The following OSBPL6 variants were observed in gnomAD, a reference collection of about 807,000 sequenced individuals.
The protein encoded by OSBPL6 is oxysterol binding protein like 6.
In OSBPL6, 49 loss-of-function variants were observed where a neutral mutation model predicts 125.8. The observed-to-expected ratio is 0.39, with a 90% CI of 0.31 to 0.49. The LOEUF is 0.49. OSBPL6 is among the 20% of genes least tolerant of loss of function. The pLI, the probability that OSBPL6 is intolerant of heterozygous loss-of-function variation, is 0.88. For missense variants in OSBPL6, 986 were observed against 1,135.4 expected, an observed-to-expected ratio of 0.87 and a Z score of 1.89; for synonymous variants, 394 against 391.8, an observed-to-expected ratio of 1.01 and a Z score of -0.07.
intron 1 of OSBPL6, among the ~76,000 whole-genome samples, chr2:178,261,695 G>A (rs1384011115): frequency 2.0e-5 from 3 of 152,196 alleles, no homozygotes; most frequent in Admixed American, 1.3e-4. Context: ...ATGGCTGGAG[G>A]CCTTGATGCA....
In OSBPL6 at chr2:178,392,399, G is replaced by A; in HGVS notation, c.2447-13G>A. 1 of 1,613,446 alleles carries A rather than the reference G, an allele frequency of 6.2e-7. No homozygotes were observed. The highest frequency in any genetic ancestry group is 8.5e-7 in the Non-Finnish European group (1 of 1,179,526). On this transcript the variant is annotated splice_polypyrimidine_tract_variant and intron_variant, in intron 22 of 24. Coordinates refer to ENST00000190611, the MANE Select transcript of OSBPL6 (RefSeq NM_032523.4). ...CTTCTGCCTCTCACAGTGGTTCATT[G>A]GCCTCTTTCCAGGTTCCATGCCAAC...
intron 1 of OSBPL6, among the ~76,000 whole-genome samples, chr2:178,220,294 T>C (rs1268021146): frequency 6.6e-6 from 1 of 152,048 alleles, no homozygotes; most frequent in Non-Finnish European, 1.5e-5. Context: ...TCCTTCTTTT[T>C]TGGGGGGCTG....
chr2:178,271,624 GCTA>G lies in OSBPL6; in HGVS notation c.-350-13299_-350-13297del, dbSNP rs1383050041. ...CAAAAACTGTATAATTTATGGCAGT[GCTA>G]CTAACAGTGTTCACCTAATTTATTA... On this transcript the variant is annotated intron_variant, in intron 1 of 24. Coordinates refer to ENST00000190611, the MANE Select transcript of OSBPL6 (RefSeq NM_032523.4). Among the ~76,000 whole-genome samples the G allele has an allele frequency of 2.0e-5, 3 of 152,256 alleles. No individual in the cohort carries two copies. In the East Asian group the frequency reaches 5.8e-4, roughly 29 times the overall value.
chr2:178,301,515 A>G (rs334613), intron 2 of OSBPL6, among the ~76,000 whole-genome samples: 113,455 of 152,106 alleles, frequency 0.75, 42,942 homozygotes, highest in Non-Finnish European at 0.81. Flanking sequence ...TTAAAGTAGA[A>G]CCAAAAATGT....
intron 2 of OSBPL6, among the ~76,000 whole-genome samples, chr2:178,297,533 G>A (rs573637075): frequency 5.8e-4 from 89 of 152,288 alleles, no homozygotes; most frequent in African/African-American, 2.1e-3. Flanking sequence ...GAAGATTTAA[G>A]TCCTAATTAA....
At position 178,279,857 on chromosome 2, in the gene OSBPL6, A is replaced by G. The variant is rs139298235; in HGVS notation, c.-350-5070A>G. Among the ~76,000 whole-genome samples the G allele has an allele frequency of 9.4e-3, 1,426 of 152,282 alleles. 16 individuals are homozygous for G. Among genetic ancestry groups the G allele is most frequent in the Non-Finnish European group, 0.015 (1,049 of 68,016 alleles). On this transcript the variant is annotated intron_variant, in intron 1 of 24. Coordinates refer to ENST00000190611, the MANE Select transcript of OSBPL6 (RefSeq NM_032523.4). ...TATCACCTTTGGACTTCTGCCCTGCATGCAGTTTATGTGCAAGGTAAAACA... is the reference window on the plus strand; with the variant it reads ...TATCACCTTTGGACTTCTGCCCTGCGTGCAGTTTATGTGCAAGGTAAAACA...
At chr2:178,276,481 T>G (rs2092471929) in intron 1 of OSBPL6, among the ~76,000 whole-genome samples, 1 of 151,554 alleles carries the variant, frequency 6.6e-6, no homozygotes, top group Non-Finnish European at 1.5e-5. Context: ...CAAGTGATTC[T>G]CCTGCCTCAG....
chr2:178,346,589 G>A (rs1345451585), intron 11 of OSBPL6, among the ~76,000 whole-genome samples: 3 of 152,034 alleles, frequency 2.0e-5, no homozygotes, highest in South Asian at 2.1e-4. Flanking sequence ...TCTTTCCTGC[G>A]CAGGGTAGAA....
chr2:178,362,676 C>T (rs1435209418), intron 13 of OSBPL6, among the ~76,000 whole-genome samples: 2 of 152,146 alleles, frequency 1.3e-5, no homozygotes, highest in East Asian at 1.9e-4. Context: ...CAGTTTCCCT[C>T]GGTCCCTAAA....
intron 1 of OSBPL6, among the ~76,000 whole-genome samples, chr2:178,223,500 A>G (rs951771318): frequency 1.3e-5 from 2 of 152,178 alleles, no homozygotes; most frequent in Admixed American, 1.3e-4. Context: ...ATATCTTTCG[A>G]TATTGGCTCT....
chr2:178,203,458 A>G lies in OSBPL6; in HGVS notation c.-351+8784A>G, dbSNP rs988365402. The stretch of plus-strand genomic sequence containing the variant: ...TCTAGAAGTGTTATTTGGGTCTTTA[A>G]AAATATCTCCGTATCTCTACTTAAC... On this transcript the variant is annotated intron_variant, in intron 1 of 24. Coordinates refer to ENST00000190611, the MANE Select transcript of OSBPL6 (RefSeq NM_032523.4). Among the ~76,000 whole-genome samples the G allele has an allele frequency of 2.6e-5, 4 of 152,236 alleles. No individual in the cohort carries two copies. In the East Asian group the frequency reaches 7.7e-4, roughly 29 times the overall value.
In OSBPL6 at chr2:178,212,520, AAGAG is replaced by A. The variant is rs2089908156; in HGVS notation, c.-351+17847_-351+17850del. On this transcript the variant is annotated intron_variant, in intron 1 of 24. Coordinates refer to ENST00000190611, the MANE Select transcript of OSBPL6 (RefSeq NM_032523.4). ...CCTGAATTGGCTCTAATTATACATA[AAGAG>A]CCAAGCTATTAGTGTTAAGAAGAAG... Among the ~76,000 whole-genome samples, 6 of 152,332 alleles carry A rather than the reference AAGAG, an allele frequency of 3.9e-5. No homozygotes were observed. In the South Asian group the frequency reaches 1.2e-3, roughly 32 times the overall value.
At chr2:178,251,088 G>A (rs527238030) in intron 1 of OSBPL6, among the ~76,000 whole-genome samples, 33 of 152,268 alleles carry the variant, frequency 2.2e-4, no homozygotes, top group African/African-American at 7.5e-4. Flanking sequence ...TGTCCAGTAG[G>A]AGCCTAAGGC....
intron 1 of OSBPL6, among the ~76,000 whole-genome samples, chr2:178,259,098 GGTT>G (rs2091975410): frequency 6.6e-6 from 1 of 152,296 alleles, no homozygotes; most frequent in Non-Finnish European, 1.5e-5. Flanking sequence ...CTCTTCTGAA[GGTT>G]GTTGTTGGAG....
In OSBPL6 at chr2:178,281,136, C is replaced by T. The variant is rs895318989; in HGVS notation, c.-350-3791C>T. ...TTCAAGCAATTCTGTCTCAGCCTCC[C>T]GAATAGCTGGGATTACAGGCATGCG... On this transcript the variant is annotated intron_variant, in intron 1 of 24. Coordinates refer to ENST00000190611, the MANE Select transcript of OSBPL6 (RefSeq NM_032523.4). Among the ~76,000 whole-genome samples the T allele has an allele frequency of 4.0e-5, 6 of 151,794 alleles. No homozygotes were observed. In the East Asian group the frequency reaches 7.7e-4, roughly 20 times the overall value.
At chr2:178,306,499 A>G (rs1283341378) in intron 3 of OSBPL6, among the ~76,000 whole-genome samples, 1 of 152,210 alleles carries the variant, frequency 6.6e-6, no homozygotes, top group African/African-American at 2.4e-5. Flanking sequence ...AGGCAGACAC[A>G]GAAGGCTGGT....
Position 178,336,467 on chromosome 2 carries a change from C to A in OSBPL6, c.790+34C>A, listed in dbSNP as rs1442665757. 2.5e-6 allele frequency: 4 copies of A among 1,603,400 alleles called. No homozygotes were observed. The African/African-American group carries it at 5.4e-5, about 22-fold the overall frequency. On this transcript the variant is annotated intron_variant, in intron 9 of 24. Transcript: ENST00000190611. ...TTGCCCAGTGTGGCCTGAGAGTAAG[C>A]CAAAACCAAACAAGAAACAAAACCC...
chr2:178,201,861 A>G (rs1249127842), intron 1 of OSBPL6, among the ~76,000 whole-genome samples: 2 of 152,302 alleles, frequency 1.3e-5, no homozygotes, highest in East Asian at 3.9e-4. Flanking sequence ...TGTTCCCATG[A>G]CCATTCTTAC....
chr2:178,380,047 A>G (rs1221217967), intron 15 of OSBPL6, among the ~76,000 whole-genome samples: 1 of 152,224 alleles, frequency 6.6e-6, no homozygotes, highest in Non-Finnish European at 1.5e-5. Context: ...GAATTGGCAT[A>G]AACAAAGTTT....
Sources: allele counts gnomAD v4.1 joint callset (sites outside exome capture counted in the v4.1 genomes callset), GRCh38; gene constraint gnomAD v4.1.1; transcripts MANE v1.5; gene names NCBI Gene and HGNC (gene_info 2026-07-23, HGNC 2026-07-21).